Variants in FGF1 observed in about 807,000 individuals in gnomAD.
The protein encoded by FGF1 is beta-endothelial cell growth factor.
FGF1 carries 9 observed loss-of-function variants against 13.4 expected under a neutral mutation model. The ratio of observed to expected loss-of-function variants is 0.67; its 90% CI spans 0.40 to 1.17. FGF1 has a LOEUF of 1.17. FGF1 is among the 50% of genes most tolerant of loss of function. FGF1 has a pLI of 0.01. For synonymous variants in FGF1, 93 were observed against 79.0 expected, an observed-to-expected ratio of 1.18 and a Z score of -0.94; for missense variants, 156 against 192.7, an observed-to-expected ratio of 0.81 and a Z score of 1.13.
At chr5:142,611,960 C>T (rs1205372401) in intron 2 of FGF1, among the ~76,000 whole-genome samples, 2 of 152,166 alleles carry the variant, frequency 1.3e-5, no homozygotes, top group Non-Finnish European at 2.9e-5. Context: ...TCTGTGCCAG[C>T]CACTGTGCCA....
intron 2 of FGF1, among the ~76,000 whole-genome samples, chr5:142,603,155 G>C (rs1213371825): frequency 6.6e-6 from 1 of 152,178 alleles, no homozygotes; most frequent in Non-Finnish European, 1.5e-5. Context: ...CTGCTCTCTC[G>C]AGCCTTCAGT....
intron 1 of FGF1, among the ~76,000 whole-genome samples, chr5:142,615,987 A>G (rs1420819542): frequency 1.3e-5 from 2 of 152,180 alleles, no homozygotes; most frequent in African/African-American, 4.8e-5. Context: ...CCCCCATGCC[A>G]TCTGTGAAAC....
intron 2 of FGF1, among the ~76,000 whole-genome samples, chr5:142,694,125 AT>A: frequency 6.7e-6 from 1 of 149,400 alleles, no homozygotes; most frequent in South Asian, 2.1e-4. Context: ...CTATCTATCT[AT>A]CTATCTATCT....
chr5:142,671,759 A>G (rs1414662925), intron 1 of FGF1: 1 of 152,248 alleles, frequency 6.6e-6, no homozygotes, highest in Non-Finnish European at 1.5e-5. Context: ...AACGATAGCA[A>G]TGAACACGTT....
intron 1 of FGF1, among the ~76,000 whole-genome samples, chr5:142,667,743 G>A (rs1770707315): frequency 6.6e-6 from 1 of 152,186 alleles, no homozygotes; most frequent in African/African-American, 2.4e-5. Flanking sequence ...GCCTCGGCGG[G>A]CTCTGAAAAT....
intron 1 of FGF1, among the ~76,000 whole-genome samples, chr5:142,643,801 T>C (rs550930658): frequency 6.6e-6 from 1 of 152,358 alleles, no homozygotes; most frequent in South Asian, 2.1e-4. Flanking sequence ...GCTCCACAAT[T>C]TGCTAACCAT....
chr5:142,694,313 A>G (rs368682222), intron 2 of FGF1, among the ~76,000 whole-genome samples: 45 of 152,218 alleles, frequency 3.0e-4, no homozygotes, highest in African/African-American at 1.0e-3. Flanking sequence ...TGTGCTATCA[A>G]TGGAAGGAAG....
intron 1 of FGF1, among the ~76,000 whole-genome samples, chr5:142,634,363 CA>C (rs1763912468): frequency 6.6e-6 from 1 of 152,202 alleles, no homozygotes. Flanking sequence ...AGAATCCAGC[CA>C]GTCTCCCAGA....
chr5:142,657,196 T>C (rs10073091), intron 1 of FGF1, among the ~76,000 whole-genome samples: 18,846 of 152,120 alleles, frequency 0.12, 2,387 homozygotes, highest in African/African-American at 0.32. Flanking sequence ...GGATTACAGG[T>C]GTGAGCCACC....
chr5:142,659,181 A>G (rs903745664), intron 1 of FGF1, among the ~76,000 whole-genome samples: 1 of 147,474 alleles, frequency 6.8e-6, no homozygotes, highest in Non-Finnish European at 1.5e-5. Flanking sequence ...AAAGATAATA[A>G]TTTTTTTTGT....
At chr5:142,687,599 T>C (rs1317742541), upstream of FGF1, among the ~76,000 whole-genome samples, 1 of 152,228 alleles carries the variant, frequency 6.6e-6, no homozygotes, top group Non-Finnish European at 1.5e-5. Flanking sequence ...AAGGGCCTTC[T>C]GAATCCTTAA....
intron 1 of FGF1, among the ~76,000 whole-genome samples, chr5:142,673,605 T>TA (rs1388998438): frequency 6.6e-6 from 1 of 152,204 alleles, no homozygotes; most frequent in East Asian, 1.9e-4. Flanking sequence ...GGTATCAAGC[T>TA]AATTTCTGGA....
chr5:142,626,511 G>A (rs1597199760), intron 1 of FGF1, among the ~76,000 whole-genome samples: 2 of 152,222 alleles, frequency 1.3e-5, no homozygotes, highest in South Asian at 4.1e-4. Flanking sequence ...ATGTGGATAA[G>A]AGAATAAAAT....
intron 1 of FGF1, among the ~76,000 whole-genome samples, chr5:142,669,612 G>A (rs1159683917): frequency 6.6e-6 from 1 of 152,204 alleles, no homozygotes; most frequent in African/African-American, 2.4e-5. Context: ...GAGAATGGAC[G>A]CAGCCAGGAG....
At chr5:142,602,002 G>A (rs1311724873) in intron 2 of FGF1, among the ~76,000 whole-genome samples, 2 of 152,148 alleles carry the variant, frequency 1.3e-5, no homozygotes, top group Non-Finnish European at 2.9e-5. Flanking sequence ...ATTACAACTA[G>A]GAGTGAAATC....
rs1472349581 is a variant in FGF1 at position 142,608,539 on chromosome 5, CATCT to C, written c.169+5416_169+5419del. Among the ~76,000 whole-genome samples, 16 of 72,058 alleles carry C rather than the reference CATCT, an allele frequency of 2.2e-4. No homozygotes were observed. The South Asian group carries it at 3.2e-3, about 14-fold the overall frequency. The allele number at this position is 72,058 out of a possible 152,430, so 47.3% of individuals were successfully genotyped here. On this transcript the variant is annotated intron_variant, in intron 2 of 3. Coordinates refer to ENST00000337706, the MANE Select transcript of FGF1 (RefSeq NM_000800.5). The stretch of plus-strand genomic sequence containing the variant: ...ATACATATATATAAATATATATACA[CATCT>C]ATATATATATATATATATATATATA...
chr5:142,666,718 A>G (rs551970050), intron 1 of FGF1, among the ~76,000 whole-genome samples: 1 of 152,292 alleles, frequency 6.6e-6, no homozygotes, highest in East Asian at 1.9e-4. Flanking sequence ...CAGGAGGATC[A>G]CTGAAAGCCA....
intron 2 of FGF1, among the ~76,000 whole-genome samples, chr5:142,692,685 G>GCACACA (rs34754711): frequency 6.9e-6 from 1 of 145,150 alleles, no homozygotes; most frequent in Non-Finnish European, 1.5e-5. Context: ...ACGCACACAC[G>GCACACA]CACACACACA....
Position 142,592,446 on chromosome 5 carries a change from C to T in FGF1, c.*2844G>A, listed in dbSNP as rs761943239. 1 of 398,528 alleles carries T rather than the reference C, an allele frequency of 2.5e-6. No individual in the cohort carries two copies. Among genetic ancestry groups the T allele is most frequent in the Non-Finnish European group, 4.4e-6 (1 of 226,016 alleles). The allele number at this position is 398,528 out of a possible 1,614,324, so 24.7% of individuals were successfully genotyped here. On this transcript the variant is annotated 3_prime_UTR_variant, in exon 4 of 4. Coordinates refer to ENST00000337706, the MANE Select transcript of FGF1 (RefSeq NM_000800.5). ...GCCATTGTGAATCTTTCTTATCATGCCTTCCAAGGAAACCAATACCTACCT... is the reference window on the plus strand; with the variant it reads ...GCCATTGTGAATCTTTCTTATCATGTCTTCCAAGGAAACCAATACCTACCT...
Sources: gnomAD v4.1 joint callset for allele counts (sites outside exome capture counted in the v4.1 genomes callset) on GRCh38, gnomAD v4.1.1 for gene constraint, MANE v1.5 for transcripts, NCBI Gene and HGNC (gene_info 2026-07-23, HGNC 2026-07-21) for gene names.